The following LTF variants were observed in gnomAD, a reference collection of about 807,000 sequenced individuals.
LTF encodes epididymis luminal protein 110.
In LTF, 91 loss-of-function variants were observed where a neutral mutation model predicts 87.2. The observed-to-expected ratio is 1.04, with a 90% CI of 0.88 to 1.24. The LOEUF (loss-of-function observed/expected upper bound fraction) is 1.24, where lower values mean the gene tolerates loss of function less well. LTF is among the 50% of genes most tolerant of loss of function. The probability of loss-of-function intolerance (pLI) is 0.00; values close to 1 mark genes in which losing one functional copy is unlikely to be tolerated. For synonymous variants in LTF, 378 were observed against 356.1 expected, an observed-to-expected ratio of 1.06 and a Z score of -0.69; for missense variants, 901 against 904.3, an observed-to-expected ratio of 1.00 and a Z score of 0.05.
intron 12 of LTF, 147 bp downstream of exon 12, chr3:46,445,134 G>A (rs1702616306): frequency 1.3e-6 from 1 of 792,124 alleles, no homozygotes; most frequent in Non-Finnish European, 1.9e-6. Flanking sequence ...CCAGGGGGCA[G>A]CCACAGGGAG....
chr3:46,458,494 T>C (rs1469937353), intron 2 of LTF, among the ~76,000 whole-genome samples: 2 of 152,364 alleles, frequency 1.3e-5, no homozygotes, highest in East Asian at 3.9e-4. Flanking sequence ...CTTTCACATA[T>C]ATTCAGATTG....
chr3:46,481,848 G>T (rs994623241), intron 1 of LTF, among the ~76,000 whole-genome samples: 1 of 152,338 alleles, frequency 6.6e-6, no homozygotes, highest in African/African-American at 2.4e-5. Context: ...AGCAGGATAT[G>T]CCTAATGACT....
intron 2 of LTF, among the ~76,000 whole-genome samples, chr3:46,459,006 G>A (rs1321906407): frequency 1.3e-5 from 2 of 152,184 alleles, no homozygotes; most frequent in African/African-American, 4.8e-5. Context: ...GTTGCCTCGG[G>A]AACTTTTATG....
At chr3:46,458,928 A>C (rs753271252) in intron 2 of LTF, among the ~76,000 whole-genome samples, 2 of 152,230 alleles carry the variant, frequency 1.3e-5, no homozygotes, top group Non-Finnish European at 2.9e-5. Flanking sequence ...TAAAACATTG[A>C]TTAAACTAGA....
At chr3:46,475,181 A>G (rs1471161786) in intron 1 of LTF, among the ~76,000 whole-genome samples, 1 of 152,202 alleles carries the variant, frequency 6.6e-6, no homozygotes, top group African/African-American at 2.4e-5. Flanking sequence ...TTGACAACTG[A>G]TATGAAATTG....
At chr3:46,447,274 A>T in intron 10 of LTF, 34 bp downstream of exon 10, 1 of 1,536,604 alleles carries the variant, frequency 6.5e-7, no homozygotes, top group Non-Finnish European at 9.0e-7. Context: ...CATGACCCAG[A>T]GGGAATATAC....
At chr3:46,437,406 A>C (rs943825924) in intron 16 of LTF, among the ~76,000 whole-genome samples, 1 of 146,326 alleles carries the variant, frequency 6.8e-6, no homozygotes, top group African/African-American at 2.6e-5. Flanking sequence ...CTGCAGCTTC[A>C]ACCTTCTGGG....
upstream of LTF, among the ~76,000 whole-genome samples, chr3:46,465,316 G>T (rs961495288): frequency 6.6e-6 from 1 of 152,164 alleles, no homozygotes; most frequent in Non-Finnish European, 1.5e-5. Context: ...GCCAGTTAGG[G>T]CAGGTGGATT....
chr3:46,439,227 C>T, intron 15 of LTF, 69 bp downstream of exon 15: 1 of 1,461,672 alleles, frequency 6.8e-7, no homozygotes, highest in Non-Finnish European at 9.3e-7. Flanking sequence ...GTGCACCTAG[C>T]TCTGTGATCT....
chr3:46,481,124 C>T (rs1011431765), intron 1 of LTF, among the ~76,000 whole-genome samples: 1 of 152,226 alleles, frequency 6.6e-6, no homozygotes, highest in Non-Finnish European at 1.5e-5. Context: ...GTGCAGCCCC[C>T]CTCCAGGAAG....
chr3:46,478,848 C>T (rs1377837849), intron 1 of LTF, among the ~76,000 whole-genome samples: 2 of 152,174 alleles, frequency 1.3e-5, no homozygotes, highest in East Asian at 3.8e-4. Context: ...TTTTTTATGC[C>T]ATTTTACAAA....
At chr3:46,464,338 T>C (rs943879803) in intron 1 of LTF, among the ~76,000 whole-genome samples, 2 of 152,026 alleles carry the variant, frequency 1.3e-5, no homozygotes, top group East Asian at 3.9e-4. Context: ...CCCCATCTCC[T>C]CCTCACAACC....
chr3:46,455,911 C>T lies in LTF; in HGVS notation c.384G>A (p.Leu128=). ...CTGTGTGGCAGGACTTCAGACCTTG[C>T]AGTTCGTTCAGCTGAAAGCTGCCGC... ...KKGGSFQLNE[L]QGLKSCHTGL... Residue 128 remains leucine, a synonymous_variant, in exon 4 of 17, where the codon CTG becomes CTA. Transcript: ENST00000231751. 1 of 1,613,610 alleles carries T rather than the reference C, an allele frequency of 6.2e-7. No individual in the cohort carries two copies. The highest frequency in any genetic ancestry group is 8.5e-7 in the Non-Finnish European group (1 of 1,179,782).
upstream of LTF, chr3:46,465,203 C>A (rs1703185318): frequency 4.9e-6 from 2 of 404,056 alleles, no homozygotes; most frequent in South Asian, 5.2e-5. Context: ...GTCTCAGTGC[C>A]TTCTAGAGGG....
chr3:46,482,609 GAAGAAAGA>G lies in LTF; in HGVS notation c.-320+2369_-320+2376del, dbSNP rs1179613670. Among the ~76,000 whole-genome samples the G allele has an allele frequency of 5.6e-3, 320 of 56,940 alleles. 20 individuals carry two copies. Among genetic ancestry groups the G allele is most frequent in the Non-Finnish European group, 6.8e-3 (208 of 30,548 alleles). 37.4% of individuals were successfully genotyped at this position (56,940 alleles called of 152,430 possible). On this transcript the variant is annotated intron_variant, in intron 1 of 19. Coordinates refer to the LTF transcript ENST00000443496. ...GGAGAAAGAGAGAGAAAGAAAGAAA[GAAGAAAGA>G]AAGAAAGAAAGAAAGAAAGAAAGAA... is the stretch of plus-strand genomic sequence containing the variant.
intron 15 of LTF, among the ~76,000 whole-genome samples, chr3:46,438,969 G>A (rs1221896893): frequency 2.0e-5 from 3 of 152,038 alleles, no homozygotes; most frequent in African/African-American, 7.2e-5. Flanking sequence ...AATGCATGTG[G>A]GAGGAAGGCT....
At chr3:46,446,565 T>G (rs951046448) in intron 10 of LTF, 72 bp from the exon 11 acceptor site, 2 of 1,297,512 alleles carry the variant, frequency 1.5e-6, no homozygotes, top group African/African-American at 2.9e-5. Flanking sequence ...CTCTTAAATC[T>G]CAATGATGCA....
chr3:46,458,904 G>A (rs1017728084), intron 2 of LTF, among the ~76,000 whole-genome samples: 2 of 152,194 alleles, frequency 1.3e-5, no homozygotes, highest in Admixed American at 6.5e-5. Context: ...GGTAATAGTT[G>A]TAAAATAATA....
chr3:46,452,786 AG>A (rs1702835964), intron 6 of LTF, among the ~76,000 whole-genome samples: 1 of 152,260 alleles, frequency 6.6e-6, no homozygotes, highest in Non-Finnish European at 1.5e-5. Context: ...TTTTATTGTA[AG>A]GTAAATTGCC....
Sources: allele counts gnomAD v4.1 joint callset (sites outside exome capture counted in the v4.1 genomes callset), GRCh38; gene constraint gnomAD v4.1.1; transcripts MANE v1.5; gene names NCBI Gene and HGNC (gene_info 2026-07-23, HGNC 2026-07-21).